The following FAM78B variants were observed in gnomAD, a reference collection of about 807,000 sequenced individuals.
FAM78B encodes the protein protein FAM78B.
In FAM78B, 10 loss-of-function variants were observed where a neutral mutation model predicts 20.0. That is an observed-to-expected ratio of 0.50 (90% confidence interval 0.31 to 0.85). FAM78B has a LOEUF of 0.85. Ranked by LOEUF, FAM78B falls within the 40% of genes least tolerant of loss-of-function variation. FAM78B has a pLI of 0.05. For synonymous variants in FAM78B, 135 were observed against 132.8 expected (o/e 1.02, Z -0.12); for missense variants, 283 against 345.0 (o/e 0.82, Z 1.42).
intron 1 of FAM78B, among the ~76,000 whole-genome samples, chr1:166,143,574 T>C (rs1182035645): frequency 6.6e-6 from 1 of 152,062 alleles, no homozygotes; most frequent in Non-Finnish European, 1.5e-5. Flanking sequence ...GGTGATATTA[T>C]CAGCTTTCTA....
chr1:166,124,830 G>C lies in FAM78B; in HGVS notation c.263+41156C>G, dbSNP rs1571185135. On this transcript the variant is annotated intron_variant, in intron 1 of 1. Coordinates refer to ENST00000354422, the MANE Select transcript of FAM78B (RefSeq NM_001017961.5). ...TTGGGCCCTTGGAAGCGGGATCATA[G>C]AGGGCTGTGGAAGGAATGGAGTCAC... 2.0e-5 allele frequency among the ~76,000 whole-genome samples: 3 copies of C among 152,322 alleles called. No homozygotes were observed. The South Asian group carries it at 6.2e-4, about 32-fold the overall frequency.
At chr1:166,086,398 C>T (rs775904826) in intron 1 of FAM78B, among the ~76,000 whole-genome samples, 65 of 152,254 alleles carry the variant, frequency 4.3e-4, no homozygotes, top group Non-Finnish European at 7.9e-4. Context: ...TCTCTCATTT[C>T]TCTCACTGGC....
downstream of FAM78B, among the ~76,000 whole-genome samples, chr1:166,056,729 A>G (rs1285837057): frequency 6.6e-6 from 1 of 152,244 alleles, no homozygotes; most frequent in African/African-American, 2.4e-5. Context: ...AAGAAATGGT[A>G]GTACGAAAGA....
At chr1:166,070,906 T>C in intron 1 of FAM78B, 143 bp from the exon 2 acceptor site, 1 of 783,618 alleles carries the variant, frequency 1.3e-6, no homozygotes, top group Non-Finnish European at 1.9e-6. Context: ...AAAAGTTCTA[T>C]GCTGTGCTGT....
chr1:166,132,367 T>A (rs1439287785), intron 1 of FAM78B, among the ~76,000 whole-genome samples: 2 of 152,158 alleles, frequency 1.3e-5, no homozygotes, highest in Non-Finnish European at 2.9e-5. Flanking sequence ...GATTTAACGG[T>A]GTGATCCTGG....
chr1:166,120,783 C>T (rs577654950), intron 1 of FAM78B, among the ~76,000 whole-genome samples: 4 of 152,342 alleles, frequency 2.6e-5, no homozygotes, highest in African/African-American at 7.2e-5. Flanking sequence ...AGGACATCCA[C>T]GGTGAACTCA....
downstream of FAM78B, among the ~76,000 whole-genome samples, chr1:166,068,388 C>G (rs545591237): frequency 7.2e-5 from 11 of 152,312 alleles, no homozygotes; most frequent in African/African-American, 2.2e-4. Flanking sequence ...CTGTGAGCCA[C>G]TGATGTATTA....
intron 1 of FAM78B, among the ~76,000 whole-genome samples, chr1:166,125,231 G>A (rs756799167): frequency 2.6e-5 from 4 of 152,110 alleles, no homozygotes; most frequent in South Asian, 2.1e-4. Flanking sequence ...GGGACCAAGC[G>A]CCAGGCAGGT....
At chr1:166,092,171 G>A (rs569742277) in intron 1 of FAM78B, among the ~76,000 whole-genome samples, 3 of 151,996 alleles carry the variant, frequency 2.0e-5, no homozygotes, top group Non-Finnish European at 2.9e-5. Flanking sequence ...TGGTAAACAT[G>A]AGCCAGAAAT....
At chr1:166,107,182 A>T (rs1302461499) in intron 1 of FAM78B, among the ~76,000 whole-genome samples, 1 of 152,176 alleles carries the variant, frequency 6.6e-6, no homozygotes, top group Non-Finnish European at 1.5e-5. Flanking sequence ...TGAAACAAAC[A>T]AAAAATACAA....
intron 1 of FAM78B, among the ~76,000 whole-genome samples, chr1:166,076,028 C>G (rs7524282): frequency 0.063 from 9,562 of 152,300 alleles, 1,014 homozygotes; most frequent in African/African-American, 0.22. Context: ...CACCATGACA[C>G]CGGTCCAAGC....
chr1:166,063,651 A>G (rs948018567), intron 2 of FAM78B, among the ~76,000 whole-genome samples: 24 of 152,030 alleles, frequency 1.6e-4, no homozygotes, highest in African/African-American at 5.6e-4. Flanking sequence ...CTCCTCCTTT[A>G]TATTTCCTCT....
intron 1 of FAM78B, among the ~76,000 whole-genome samples, chr1:166,114,683 C>A (rs1041036523): frequency 6.6e-5 from 10 of 152,200 alleles, no homozygotes; most frequent in Non-Finnish European, 1.5e-5. Context: ...TTACTCATTC[C>A]TCCCTGTGCT....
chr1:166,126,069 G>A (rs950024375), intron 1 of FAM78B, among the ~76,000 whole-genome samples: 8 of 152,120 alleles, frequency 5.3e-5, no homozygotes, highest in Non-Finnish European at 1.0e-4. Context: ...CTCTTGGCCT[G>A]GTGATCTGCC....
intron 1 of FAM78B, among the ~76,000 whole-genome samples, chr1:166,159,752 C>T (rs78522401): frequency 6.6e-6 from 1 of 152,184 alleles, no homozygotes; most frequent in Non-Finnish European, 1.5e-5. Context: ...GTTTCTCCCC[C>T]TCTACATCTT....
chr1:166,074,496 CATT>C (rs1332503214), intron 1 of FAM78B, among the ~76,000 whole-genome samples: 2 of 152,172 alleles, frequency 1.3e-5, no homozygotes, highest in East Asian at 1.9e-4. Flanking sequence ...ATTTTTGAAT[CATT>C]AGTGTCTTGC....
chr1:166,117,584 T>C (rs1416881163), intron 1 of FAM78B, among the ~76,000 whole-genome samples: 3 of 152,208 alleles, frequency 2.0e-5, no homozygotes. Flanking sequence ...TCTATGGATA[T>C]GTGCTTTGTT....
chr1:166,115,588 G>T (rs1654223672), intron 1 of FAM78B, among the ~76,000 whole-genome samples: 1 of 152,340 alleles, frequency 6.6e-6, no homozygotes, highest in South Asian at 2.1e-4. Flanking sequence ...CCTAGGGCCT[G>T]AGGGCAGAGA....
intron 1 of FAM78B, among the ~76,000 whole-genome samples, chr1:166,164,391 G>A (rs1656275163): frequency 6.6e-6 from 1 of 152,232 alleles, no homozygotes; most frequent in Admixed American, 6.5e-5. Flanking sequence ...AGTTTTAAGA[G>A]ACACATGTGT....
Sources: gnomAD v4.1 joint callset for allele counts (sites outside exome capture counted in the v4.1 genomes callset) on GRCh38, gnomAD v4.1.1 for gene constraint, MANE v1.5 for transcripts, NCBI Gene and HGNC (gene_info 2026-07-23, HGNC 2026-07-21) for gene names.